Variants in ESRRG observed in about 807,000 individuals in gnomAD.
ESRRG encodes estrogen related receptor gamma.
ESRRG carries 13 observed loss-of-function variants against 44.0 expected under a neutral mutation model. The ratio of observed to expected loss-of-function variants is 0.30; its 90% CI spans 0.19 to 0.47. ESRRG has a LOEUF of 0.47. Ranked by LOEUF, ESRRG falls within the 20% of genes least tolerant of loss-of-function variation. The pLI is 1.00. For missense variants in ESRRG, 395 were observed against 580.6 expected, an observed-to-expected ratio of 0.68 and a Z score of 3.29; for synonymous variants, 215 against 214.6, an observed-to-expected ratio of 1.00 and a Z score of -0.02.
chr1:216,790,264 C>T (rs2094275275), intron 2 of ESRRG, among the ~76,000 whole-genome samples: 1 of 152,114 alleles, frequency 6.6e-6, no homozygotes, highest in South Asian at 2.1e-4. Context: ...AAACTTATTA[C>T]CCCCAGGTTA....
At chr1:216,988,473 T>C (rs1318181043) in intron 1 of ESRRG, among the ~76,000 whole-genome samples, 1 of 152,222 alleles carries the variant, frequency 6.6e-6, no homozygotes, top group Non-Finnish European at 1.5e-5. Context: ...ACTGCCTCCC[T>C]CTTCCTAGCT....
At chr1:217,101,167 A>T (rs985775334) in intron 1 of ESRRG, among the ~76,000 whole-genome samples, 1 of 152,138 alleles carries the variant, frequency 6.6e-6, no homozygotes, top group African/African-American at 2.4e-5. Context: ...TTCTTTGGAG[A>T]CAGAACAAAA....
At chr1:216,816,749 A>G (rs2095150791) in intron 2 of ESRRG, among the ~76,000 whole-genome samples, 1 of 152,216 alleles carries the variant, frequency 6.6e-6, no homozygotes, top group African/African-American at 2.4e-5. Context: ...AACGAATCAT[A>G]CATACGACTT....
chr1:216,568,255 A>T (rs1351316989), intron 3 of ESRRG, among the ~76,000 whole-genome samples, 157 bp from the exon 4 acceptor site: 1 of 152,242 alleles, frequency 6.6e-6, no homozygotes, highest in African/African-American at 2.4e-5. Context: ...TGGTGGCTAA[A>T]TCAAACTTGC....
At chr1:216,674,615 C>CTTTTT (rs5780904) in intron 2 of ESRRG, among the ~76,000 whole-genome samples, 2 of 127,932 alleles carry the variant, frequency 1.6e-5, no homozygotes, top group African/African-American at 6.0e-5. Context: ...TTTGGGTAAA[C>CTTTTT]TTTTTTTTTT....
intron 1 of ESRRG, among the ~76,000 whole-genome samples, chr1:216,993,673 T>C (rs1159739932): frequency 6.6e-6 from 1 of 152,128 alleles, no homozygotes; most frequent in Non-Finnish European, 1.5e-5. Context: ...CCCATTTATA[T>C]CCAAGACCCT....
At chr1:216,907,469 A>G (rs1034718708) in intron 2 of ESRRG, among the ~76,000 whole-genome samples, 3 of 152,232 alleles carry the variant, frequency 2.0e-5, no homozygotes, top group African/African-American at 4.8e-5. Context: ...ACTGTAGATG[A>G]ACAGTGAGGG....
At chr1:217,073,720 A>T (rs2151466375) in intron 1 of ESRRG, among the ~76,000 whole-genome samples, 1 of 152,164 alleles carries the variant, frequency 6.6e-6, no homozygotes, top group East Asian at 1.9e-4. Flanking sequence ...GGAAGGGAGG[A>T]AGGAAAGAAG....
chr1:216,959,099 C>T (rs1039702915), intron 1 of ESRRG, among the ~76,000 whole-genome samples: 1 of 151,764 alleles, frequency 6.6e-6, no homozygotes, highest in African/African-American at 2.4e-5. Flanking sequence ...TCCTTCCCTC[C>T]TTCTCTCCTT....
intron 2 of ESRRG, among the ~76,000 whole-genome samples, chr1:216,661,034 A>G (rs1272267895): frequency 1.3e-5 from 2 of 152,358 alleles, no homozygotes; most frequent in South Asian, 2.1e-4. Flanking sequence ...TGGTAAGTGT[A>G]TAATAAAAAT....
intron 2 of ESRRG, among the ~76,000 whole-genome samples, chr1:216,737,708 T>G (rs12059942): frequency 0.2 from 29,778 of 151,912 alleles, 2,978 homozygotes; most frequent in Middle Eastern, 0.28. Context: ...GTTGGCTGTG[T>G]GACCTTGGGC....
chr1:216,608,979 C>G (rs10735490), intron 3 of ESRRG, among the ~76,000 whole-genome samples: 4 of 152,062 alleles, frequency 2.6e-5, no homozygotes, highest in African/African-American at 9.7e-5. Context: ...TCTCCAGTAC[C>G]TATGAGCATC....
intron 1 of ESRRG, among the ~76,000 whole-genome samples, chr1:216,943,184 G>C (rs2065528372): frequency 1.3e-5 from 2 of 152,148 alleles, no homozygotes; most frequent in Admixed American, 1.3e-4. Context: ...TGTAGTATGA[G>C]AGAGGAAGAG....
intron 2 of ESRRG, among the ~76,000 whole-genome samples, chr1:216,668,822 T>A (rs1482848424): frequency 6.6e-6 from 1 of 152,018 alleles, no homozygotes; most frequent in African/African-American, 2.4e-5. Context: ...GACTAGAAAA[T>A]TCTGAAGAAG....
intron 2 of ESRRG, among the ~76,000 whole-genome samples, chr1:216,676,273 T>C (rs1052917923): frequency 2.0e-5 from 3 of 152,310 alleles, no homozygotes; most frequent in East Asian, 3.9e-4. Flanking sequence ...GTCCTATTTT[T>C]CTACACTGTA....
intron 2 of ESRRG, among the ~76,000 whole-genome samples, chr1:216,912,388 A>G (rs1396296698): frequency 6.6e-6 from 1 of 151,690 alleles, no homozygotes; most frequent in Non-Finnish European, 1.5e-5. Context: ...GGTAAAGAAA[A>G]AAGGACATTA....
intron 2 of ESRRG, among the ~76,000 whole-genome samples, chr1:216,882,735 G>T (rs970718316): frequency 6.6e-6 from 1 of 152,008 alleles, no homozygotes; most frequent in Non-Finnish European, 1.5e-5. Flanking sequence ...GAAAGCAGAA[G>T]AAAAATAATA....
intron 1 of ESRRG, among the ~76,000 whole-genome samples, chr1:217,074,454 A>ACC (rs1374348757): frequency 6.7e-6 from 1 of 149,234 alleles, no homozygotes; most frequent in Non-Finnish European, 1.5e-5. Context: ...ACCCCCCCCA[A>ACC]AAAAAAAAAA....
intron 1 of ESRRG, among the ~76,000 whole-genome samples, chr1:216,966,009 C>CA (rs1202340089): frequency 6.6e-6 from 1 of 152,108 alleles, no homozygotes; most frequent in African/African-American, 2.4e-5. Flanking sequence ...TAATGCGCTC[C>CA]AAAATGATAC....
Sources: gnomAD v4.1 joint callset for allele counts (sites outside exome capture counted in the v4.1 genomes callset) on GRCh38, gnomAD v4.1.1 for gene constraint, MANE v1.5 for transcripts, NCBI Gene and HGNC (gene_info 2026-07-23, HGNC 2026-07-21) for gene names.